Variants in CAB39L observed in about 807,000 individuals in gnomAD.
CAB39L encodes the protein calcium binding protein 39 like.
In CAB39L, 23 loss-of-function variants were observed where a neutral mutation model predicts 39.1. That is an observed-to-expected ratio of 0.59 (90% CI 0.42 to 0.83). The LOEUF is 0.83. Ranked by LOEUF, CAB39L falls within the 40% of genes least tolerant of loss-of-function variation. The pLI is 0.00. For missense variants in CAB39L, 366 were observed against 391.9 expected, an observed-to-expected ratio of 0.93 and a Z score of 0.56; for synonymous variants, 126 against 137.2, an observed-to-expected ratio of 0.92 and a Z score of 0.57.
At position 49,433,356 on chromosome 13, in the gene CAB39L, T is replaced by G. The variant is rs1315088235; in HGVS notation, c.-70A>C. The G allele has an allele frequency of 1.1e-5, 5 of 454,048 alleles. No individual in the cohort carries two copies. Among genetic ancestry groups the G allele is most frequent in the Admixed American group, 2.4e-5 (1 of 41,968 alleles). 28.1% of individuals were successfully genotyped at this position (454,048 alleles called of 1,614,324 possible). On this transcript the variant is annotated 5_prime_UTR_variant, in exon 3 of 11. Transcript: ENST00000409308. ...TATCATTTGCAAATTTGTTTGAACC[T>G]TCTTAGCTTTCACCAAAGTCACTGA...
rs1011480261 is a variant in CAB39L at position 49,354,553 on chromosome 13, T to C, written c.396-3641A>G. On this transcript the variant is annotated intron_variant, in intron 6 of 10. Coordinates refer to ENST00000409308, the MANE Select transcript of CAB39L (RefSeq NM_001079670.3). ...CTATTCTACTCATAGATAAGCTTCCTGATGGCAAGGATCCTGCCTAATTAC... is the reference window on the plus strand; with the variant it reads ...CTATTCTACTCATAGATAAGCTTCCCGATGGCAAGGATCCTGCCTAATTAC... Among the ~76,000 whole-genome samples, 4 of 152,364 alleles carry C rather than the reference T, an allele frequency of 2.6e-5. No individual in the cohort carries two copies. In the South Asian group the frequency reaches 8.3e-4, roughly 32 times the overall value.
At chr13:49,376,747 C>G (rs779878877) in intron 5 of CAB39L, among the ~76,000 whole-genome samples, 11 of 151,942 alleles carry the variant, frequency 7.2e-5, no homozygotes, top group Non-Finnish European at 1.5e-4. Context: ...TTCTATTAAC[C>G]GTTATCTTTG....
At chr13:49,314,815 G>T (rs79286840) in intron 10 of CAB39L, among the ~76,000 whole-genome samples, 5,801 of 152,262 alleles carry the variant, frequency 0.038, 373 homozygotes, top group African/African-American at 0.13. Flanking sequence ...CAGTACCTGA[G>T]TGCCATTAGG....
intron 3 of CAB39L, among the ~76,000 whole-genome samples, chr13:49,399,184 C>T (rs544051185): frequency 6.6e-6 from 1 of 152,040 alleles, no homozygotes; most frequent in African/African-American, 2.4e-5. Context: ...TATCAGGTAC[C>T]TACTATGTGC....
chr13:49,394,138 C>T (rs1956552012), intron 3 of CAB39L, among the ~76,000 whole-genome samples: 1 of 151,700 alleles, frequency 6.6e-6, no homozygotes, highest in Non-Finnish European at 1.5e-5. Context: ...AGGCAAACAA[C>T]AAACTAGAGA....
At chr13:49,359,542 A>G (rs1348927851) in intron 6 of CAB39L, among the ~76,000 whole-genome samples, 172 bp downstream of exon 6, 1 of 152,186 alleles carries the variant, frequency 6.6e-6, no homozygotes, top group Non-Finnish European at 1.5e-5. Context: ...CAAAGAAAGG[A>G]TTTTGCTGCA....
At chr13:49,389,675 C>T (rs1439109667) in intron 3 of CAB39L, among the ~76,000 whole-genome samples, 2 of 152,150 alleles carry the variant, frequency 1.3e-5, no homozygotes, top group Admixed American at 6.5e-5. Flanking sequence ...AGATTCAAAG[C>T]AGAGACAAAA....
intron 10 of CAB39L, among the ~76,000 whole-genome samples, chr13:49,320,927 G>T (rs969283237): frequency 1.3e-5 from 2 of 152,150 alleles, no homozygotes; most frequent in Non-Finnish European, 2.9e-5. Flanking sequence ...GAATTAGACT[G>T]GACCCCACTG....
chr13:49,334,003 T>C (rs1366267539), intron 9 of CAB39L, among the ~76,000 whole-genome samples: 1 of 152,172 alleles, frequency 6.6e-6, no homozygotes, highest in African/African-American at 2.4e-5. Context: ...CCTCCTCCGG[T>C]TGGGAAGAGA....
intron 1 of CAB39L, among the ~76,000 whole-genome samples, chr13:49,436,366 T>C (rs1481457410): frequency 6.6e-6 from 1 of 152,162 alleles, no homozygotes; most frequent in Non-Finnish European, 1.5e-5. Flanking sequence ...TTTGCTATTG[T>C]TTTTTTCTTC....
At chr13:49,377,175 T>C in intron 4 of CAB39L, 44 bp from the exon 5 acceptor site, 2 of 1,524,238 alleles carry the variant, frequency 1.3e-6, no homozygotes, top group Non-Finnish European at 1.8e-6. Flanking sequence ...AATAAAAATG[T>C]TTAGGCCATA....
intron 8 of CAB39L, among the ~76,000 whole-genome samples, chr13:49,342,425 C>CT (rs1232608046): frequency 1.1e-3 from 163 of 151,888 alleles, no homozygotes; most frequent in African/African-American, 3.7e-3. Context: ...TTGTTTTTTG[C>CT]TTTTAATAGA....
At chr13:49,431,339 T>C (rs1325202564) in intron 3 of CAB39L, among the ~76,000 whole-genome samples, 1 of 152,210 alleles carries the variant, frequency 6.6e-6, no homozygotes, top group Non-Finnish European at 1.5e-5. Flanking sequence ...TTCCATTGTA[T>C]AGATATACCA....
At chr13:49,333,419 G>A (rs1405605883) in intron 9 of CAB39L, among the ~76,000 whole-genome samples, 1 of 152,028 alleles carries the variant, frequency 6.6e-6, no homozygotes, top group Non-Finnish European at 1.5e-5. Flanking sequence ...TTTCCAAGCT[G>A]TATACTTGGA....
At chr13:49,323,758 C>G (rs1019426413) in intron 10 of CAB39L, among the ~76,000 whole-genome samples, 3 of 152,216 alleles carry the variant, frequency 2.0e-5, no homozygotes, top group African/African-American at 7.2e-5. Context: ...CTACCCAGGA[C>G]TCTGTTCTTG....
At chr13:49,426,900 A>G (rs1957253741) in intron 3 of CAB39L, among the ~76,000 whole-genome samples, 1 of 152,124 alleles carries the variant, frequency 6.6e-6, no homozygotes, top group Non-Finnish European at 1.5e-5. Context: ...CGAACTTATG[A>G]AGGTTGAGGA....
intron 1 of CAB39L, among the ~76,000 whole-genome samples, chr13:49,440,827 G>A (rs73491222): frequency 0.036 from 4,079 of 112,722 alleles, 194 homozygotes; most frequent in African/African-American, 0.11. Context: ...GTATAGAAAC[G>A]CTACTGATTT....
At chr13:49,379,054 C>T (rs1956192821) in intron 4 of CAB39L, among the ~76,000 whole-genome samples, 1 of 57,200 alleles carries the variant, frequency 1.7e-5, no homozygotes, top group East Asian at 2.9e-4. Flanking sequence ...CCAGCTGCCC[C>T]GTCCGAGAGG....
chr13:49,341,432 T>C (rs1293109877), intron 8 of CAB39L, among the ~76,000 whole-genome samples: 9 of 152,088 alleles, frequency 5.9e-5, no homozygotes, highest in Non-Finnish European at 1.5e-5. Context: ...TTTGTATTTT[T>C]ATTAGAGACA....
Sources: gnomAD v4.1 joint callset for allele counts (sites outside exome capture counted in the v4.1 genomes callset) on GRCh38, gnomAD v4.1.1 for gene constraint, MANE v1.5 for transcripts, NCBI Gene and HGNC (gene_info 2026-07-23, HGNC 2026-07-21) for gene names.